Variants in ZNF618 observed in about 807,000 individuals in gnomAD.
ZNF618 encodes neural precursor cell expressed, developmentally down-regulated 10.
A neutral mutation model predicts 103.0 loss-of-function variants in ZNF618; 34 were observed. The observed-to-expected ratio is 0.33, with a 90% CI of 0.25 to 0.44. The LOEUF (loss-of-function observed/expected upper bound fraction) is 0.44, where lower values mean the gene tolerates loss of function less well. ZNF618 is among the 20% of genes least tolerant of loss of function. ZNF618 has a pLI of 1.00. For missense variants in ZNF618, 1,059 were observed against 1,295.4 expected (o/e 0.82, Z 2.80); for synonymous variants, 551 against 542.2 (o/e 1.02, Z -0.23).
intron 9 of ZNF618, among the ~76,000 whole-genome samples, chr9:114,012,904 A>G (rs547711461): frequency 3.3e-5 from 5 of 152,236 alleles, no homozygotes; most frequent in Non-Finnish European, 7.3e-5. Context: ...TGCAGATTTA[A>G]TATCTGCATA....
At chr9:114,017,281 C>G (rs1239307724) in intron 10 of ZNF618, among the ~76,000 whole-genome samples, 2 of 152,146 alleles carry the variant, frequency 1.3e-5, no homozygotes, top group East Asian at 3.9e-4. Context: ...AGCTGGGAGT[C>G]AAGCCCTGGC....
intron 2 of ZNF618, among the ~76,000 whole-genome samples, chr9:113,977,167 C>T (rs549563889): frequency 3.3e-4 from 50 of 152,174 alleles, no homozygotes; most frequent in South Asian, 1.0e-3. Flanking sequence ...AATGCCAGGA[C>T]GGGGACAGCA....
At chr9:113,884,893 C>T (rs1828920885) in intron 1 of ZNF618, among the ~76,000 whole-genome samples, 1 of 151,880 alleles carries the variant, frequency 6.6e-6, no homozygotes, top group Non-Finnish European at 1.5e-5. Context: ...GGACTAAAAG[C>T]CTCAGATTTC....
chr9:114,043,644 G>T (rs944373834), intron 13 of ZNF618, among the ~76,000 whole-genome samples: 5 of 152,184 alleles, frequency 3.3e-5, no homozygotes, highest in African/African-American at 9.6e-5. Context: ...CATAGTGGTT[G>T]TGCTAGTTCA....
At chr9:114,006,300 G>A (rs1168082228) in intron 6 of ZNF618, among the ~76,000 whole-genome samples, 5 of 152,178 alleles carry the variant, frequency 3.3e-5, no homozygotes, top group African/African-American at 4.8e-5. Context: ...CCCTGACTCA[G>A]CCTTAGCTTG....
intron 1 of ZNF618, among the ~76,000 whole-genome samples, chr9:113,965,567 C>T (rs992273958): frequency 1.3e-5 from 2 of 152,104 alleles, no homozygotes; most frequent in African/African-American, 4.8e-5. Flanking sequence ...CACTGGGGTC[C>T]TCCTTATTTT....
intron 9 of ZNF618, among the ~76,000 whole-genome samples, chr9:114,013,069 CAG>C (rs1183046514): frequency 4.6e-5 from 7 of 151,884 alleles, no homozygotes; most frequent in Admixed American, 1.3e-4. Flanking sequence ...GGACTTGCCT[CAG>C]ACTTCTCTGC....
At chr9:114,004,825 A>G (rs893019585) in intron 6 of ZNF618, among the ~76,000 whole-genome samples, 2 of 152,206 alleles carry the variant, frequency 1.3e-5, no homozygotes, top group African/African-American at 4.8e-5. Context: ...ACAGGTTGTG[A>G]GTAGTGGAGG....
At position 113,951,421 on chromosome 9, in the gene ZNF618, A is replaced by G. The variant is rs868514868; in HGVS notation, c.34-17696A>G. 4.7e-4 allele frequency among the ~76,000 whole-genome samples: 7 copies of G among 14,754 alleles called. 2 individuals are homozygous for G. The highest frequency in any genetic ancestry group is 1.3e-3 in the African/African-American group (7 of 5,598). 9.7% of individuals were successfully genotyped at this position (14,754 alleles called of 152,430 possible). A position where few individuals can be genotyped will look rare whatever the true frequency, so the allele number is the denominator to read the frequency against. ...TATATACGTATATATACACACATATATGTGTGTGTGTATATATATACATAT... is the reference window on the plus strand; with the variant it reads ...TATATACGTATATATACACACATATGTGTGTGTGTGTATATATATACATAT... On this transcript the variant is annotated intron_variant, in intron 1 of 14. Transcript: ENST00000374126.
At chr9:113,923,047 A>AT (rs1455157199) in intron 1 of ZNF618, among the ~76,000 whole-genome samples, 1 of 151,618 alleles carries the variant, frequency 6.6e-6, no homozygotes, top group African/African-American at 2.4e-5. Flanking sequence ...CTACGTTTTT[A>AT]TTTTTTTGGC....
At chr9:114,022,601 CAAAAAA>C (rs56235947) in intron 10 of ZNF618, among the ~76,000 whole-genome samples, 8 of 90,788 alleles carry the variant, frequency 8.8e-5, no homozygotes, top group Admixed American at 5.7e-4. Flanking sequence ...TCCACTTGAC[CAAAAAA>C]AAAAAAAAAA....
intron 1 of ZNF618, among the ~76,000 whole-genome samples, chr9:113,936,965 A>G (rs1834080569): frequency 6.6e-6 from 1 of 152,008 alleles, no homozygotes; most frequent in Non-Finnish European, 1.5e-5. Flanking sequence ...TGATGGAGGG[A>G]GTTGAAACTT....
At chr9:114,003,687 G>A (rs967600679) in intron 6 of ZNF618, among the ~76,000 whole-genome samples, 2 of 152,158 alleles carry the variant, frequency 1.3e-5, no homozygotes, top group East Asian at 1.9e-4. Flanking sequence ...TCAGAAGAGC[G>A]GTTCCCCTGG....
chr9:113,894,455 A>G (rs1251532109), intron 1 of ZNF618, among the ~76,000 whole-genome samples: 1 of 152,218 alleles, frequency 6.6e-6, no homozygotes, highest in Non-Finnish European at 1.5e-5. Flanking sequence ...GTGGAGGGAA[A>G]GATGAATCTT....
chr9:114,028,997 AC>A lies in ZNF618; in HGVS notation c.1084+26del, dbSNP rs778396588. On this transcript the variant is annotated intron_variant, in intron 11 of 14. Coordinates refer to ENST00000374126, the MANE Select transcript of ZNF618 (RefSeq NM_001318042.2). ...GGTACCAATGGCCTATGTGACCCCC[AC>A]ACTTTCTCCCCCACTGCCCTTCTCA... The A allele has an allele frequency of 2.7e-4, 421 of 1,541,030 alleles. 1 individual carries two copies. Among genetic ancestry groups the A allele is most frequent in the Middle Eastern group, 6.7e-4 (4 of 5,958 alleles).
chr9:113,935,195 C>T (rs980909792), intron 1 of ZNF618, among the ~76,000 whole-genome samples: 1 of 152,196 alleles, frequency 6.6e-6, no homozygotes, highest in African/African-American at 2.4e-5. Flanking sequence ...AGGAGAGGCT[C>T]ACCATGCCAT....
At chr9:113,979,901 T>A (rs56221603) in intron 2 of ZNF618, among the ~76,000 whole-genome samples, 3 of 151,444 alleles carry the variant, frequency 2.0e-5, no homozygotes, top group East Asian at 3.9e-4. Context: ...TGACCTTGGT[T>A]GCTCTGTCCA....
At chr9:113,945,414 G>C (rs779848456) in intron 1 of ZNF618, among the ~76,000 whole-genome samples, 43 of 152,238 alleles carry the variant, frequency 2.8e-4, no homozygotes, top group Non-Finnish European at 5.4e-4. Context: ...TTATTGGTGA[G>C]ATCTTGGCTT....
intron 10 of ZNF618, among the ~76,000 whole-genome samples, chr9:114,024,733 C>T (rs28620352): frequency 1.3e-5 from 2 of 152,040 alleles, no homozygotes; most frequent in African/African-American, 2.4e-5. Flanking sequence ...ACAGCCCCCC[C>T]ACCCCCATCC....
Sources: gnomAD v4.1 joint callset for allele counts (sites outside exome capture counted in the v4.1 genomes callset) on GRCh38, gnomAD v4.1.1 for gene constraint, MANE v1.5 for transcripts, NCBI Gene and HGNC (gene_info 2026-07-23, HGNC 2026-07-21) for gene names.